Variants in CGRRF1 observed in about 807,000 individuals in gnomAD.
CGRRF1 encodes cell growth regulator with ring finger domain 1.
A neutral mutation model predicts 37.2 loss-of-function variants in CGRRF1; 32 were observed. That is an observed-to-expected ratio of 0.86 (90% CI 0.65 to 1.16). The LOEUF (loss-of-function observed/expected upper bound fraction) is 1.16, where lower values mean the gene tolerates loss of function less well. Among genes scored for constraint, CGRRF1 ranks in the 50% most tolerant of loss-of-function variants. The pLI is 0.00. For missense variants in CGRRF1, 391 were observed against 382.6 expected (o/e 1.02, Z -0.18); for synonymous variants, 141 against 140.3 (o/e 1.00, Z -0.04).
In CGRRF1 at chr14:54,530,034, C is replaced by G; in HGVS notation, c.245-15C>G. 2 of 1,592,480 alleles carry G rather than the reference C, an allele frequency of 1.3e-6. No individual in the cohort carries two copies. The highest frequency in any genetic ancestry group is 1.7e-6 in the Non-Finnish European group (2 of 1,163,484). On this transcript the variant is annotated splice_polypyrimidine_tract_variant and intron_variant, in intron 2 of 5. Coordinates refer to ENST00000216420, the MANE Select transcript of CGRRF1 (RefSeq NM_006568.3). The stretch of plus-strand genomic sequence containing the variant: ...CATTAAATCACTTTCATTCTTTCTC[C>G]TTTGTTTTTTACAGCTGGCATAACC...
chr14:54,510,681 AG>A (rs1380028293), intron 1 of CGRRF1, among the ~76,000 whole-genome samples: 2 of 152,230 alleles, frequency 1.3e-5, no homozygotes, highest in African/African-American at 4.8e-5. Context: ...TGTAACACCG[AG>A]GGTAGGACAG....
intron 2 of CGRRF1, among the ~76,000 whole-genome samples, chr14:54,525,899 C>A (rs985008465): frequency 1.3e-5 from 2 of 151,952 alleles, no homozygotes; most frequent in African/African-American, 2.4e-5. Context: ...AGTTCAAGAC[C>A]AGCCTGGCCA....
chr14:54,527,311 T>C (rs2032428552), intron 2 of CGRRF1, among the ~76,000 whole-genome samples: 1 of 152,130 alleles, frequency 6.6e-6, no homozygotes. Flanking sequence ...CTCCCCTCAG[T>C]TTATGTAATG....
intron 4 of CGRRF1, among the ~76,000 whole-genome samples, chr14:54,535,507 G>A (rs1418736834): frequency 6.6e-6 from 1 of 152,096 alleles, no homozygotes; most frequent in African/African-American, 2.4e-5. Context: ...TTTTCAGAGT[G>A]CCACCTCTAG....
At chr14:54,530,385 T>C in intron 3 of CGRRF1, 159 bp downstream of exon 3, 5 of 962,166 alleles carry the variant, frequency 5.2e-6, no homozygotes, top group Non-Finnish European at 7.8e-6. Context: ...GGAGTGAATA[T>C]CTCTATCAGG....
chr14:54,535,359 T>TCACACACACACACACACACACACACACA (rs143950400), intron 4 of CGRRF1, among the ~76,000 whole-genome samples: 6 of 140,590 alleles, frequency 4.3e-5, no homozygotes, highest in East Asian at 2.2e-4. Flanking sequence ...AAGGGTATAG[T>TCACACACACACACACACACACACACACA]CACACACACA....
At position 54,539,068 on chromosome 14, in the gene CGRRF1, A is replaced by G. The variant is rs926673852; in HGVS notation, c.*685A>G. The G allele has an allele frequency of 2.0e-5, 3 of 152,220 alleles. No individual in the cohort carries two copies. The highest frequency in any genetic ancestry group is 2.9e-5 in the Non-Finnish European group (2 of 68,038). The allele number at this position is 152,220 out of a possible 1,614,324, so 9.4% of individuals were successfully genotyped here. A position where few individuals can be genotyped will look rare whatever the true frequency, so the allele number is the denominator to read the frequency against. On this transcript the variant is annotated 3_prime_UTR_variant, in exon 6 of 6. Coordinates refer to ENST00000216420, the MANE Select transcript of CGRRF1 (RefSeq NM_006568.3). Reference sequence around the variant, plus strand: ...TTTTTTGGATAATTAAATTTATTAAATTGATAGTCAAGTGTGATTAGATTA... The same window carrying G: ...TTTTTTGGATAATTAAATTTATTAAGTTGATAGTCAAGTGTGATTAGATTA...
chr14:54,534,739 A>C (rs559840092), intron 4 of CGRRF1, among the ~76,000 whole-genome samples: 3 of 152,244 alleles, frequency 2.0e-5, no homozygotes, highest in Admixed American at 6.5e-5. Context: ...TGGTTGAGAT[A>C]GGATCTTGCT....
intron 1 of CGRRF1, among the ~76,000 whole-genome samples, chr14:54,522,139 G>C (rs2032327403): frequency 1.3e-5 from 2 of 152,108 alleles, no homozygotes; most frequent in South Asian, 4.1e-4. Flanking sequence ...ATTATCTCTA[G>C]ATTACTTACA....
rs113247887 is a variant in CGRRF1, at chr14:54,524,637, T to C, written c.244+2044T>C. ...CAAACTTCTGGCCTCAAGCAGTCCT[T>C]CTGCCCCAGGCTCACAAAGTGCTGG... On this transcript the variant is annotated intron_variant, in intron 2 of 5. Transcript: ENST00000216420. Among the ~76,000 whole-genome samples the C allele has an allele frequency of 1.9e-3, 282 of 152,138 alleles. 1 individual carries two copies. The highest frequency in any genetic ancestry group is 6.5e-3 in the African/African-American group (271 of 41,514).
chr14:54,525,007 A>G (rs1357547938), intron 2 of CGRRF1, among the ~76,000 whole-genome samples: 1 of 152,086 alleles, frequency 6.6e-6, no homozygotes, highest in African/African-American at 2.4e-5. Context: ...TGATCACACC[A>G]CTTCACTTCA....
At chr14:54,524,933 G>A (rs910386736) in intron 2 of CGRRF1, among the ~76,000 whole-genome samples, 3 of 152,192 alleles carry the variant, frequency 2.0e-5, no homozygotes, top group Non-Finnish European at 4.4e-5. Context: ...CCAGCTACCA[G>A]CTACTCGGGA....
Position 54,511,011 on chromosome 14 carries a change from A to C in CGRRF1, c.104+948A>C, listed in dbSNP as rs147292627. Reference sequence around the variant, plus strand: ...ATTTTGGAGAATGAGCATTTTGAAAAATAAATGGAGTTAAATGTATATAGT... The same window carrying C: ...ATTTTGGAGAATGAGCATTTTGAAACATAAATGGAGTTAAATGTATATAGT... On this transcript the variant is annotated intron_variant, in intron 1 of 5. Transcript: ENST00000216420. Among the ~76,000 whole-genome samples, 402 of 152,354 alleles carry C rather than the reference A, an allele frequency of 2.6e-3. 2 individuals are homozygous for C. Among genetic ancestry groups the C allele is most frequent in the African/African-American group, 9.1e-3 (379 of 41,578 alleles).
rs2032100439 is a variant in CGRRF1, at chr14:54,509,948, A to G, written c.-12A>G. 6.2e-7 allele frequency: 1 copy of G among 1,602,126 alleles called. No individual in the cohort carries two copies. Among genetic ancestry groups the G allele is most frequent in the Non-Finnish European group, 8.6e-7 (1 of 1,169,174 alleles). On this transcript the variant is annotated 5_prime_UTR_variant, in exon 1 of 6. Coordinates refer to ENST00000216420, the MANE Select transcript of CGRRF1 (RefSeq NM_006568.3). ...GCGGCTGGAGCCGGGCTCTACCCAGAGCAAGACCCTGATGGCTGCGGTGTT... is the reference window on the plus strand; with the variant it reads ...GCGGCTGGAGCCGGGCTCTACCCAGGGCAAGACCCTGATGGCTGCGGTGTT...
intron 4 of CGRRF1, among the ~76,000 whole-genome samples, chr14:54,532,722 A>G (rs2032536265): frequency 1.3e-5 from 2 of 151,304 alleles, no homozygotes; most frequent in South Asian, 4.2e-4. Flanking sequence ...AAAAAAAGTC[A>G]TACTAGACAA....
intron 4 of CGRRF1, 32 bp downstream of exon 4, chr14:54,531,082 T>A: frequency 6.7e-7 from 1 of 1,489,078 alleles, no homozygotes; most frequent in Non-Finnish European, 9.2e-7. Flanking sequence ...AAGCATTACC[T>A]TTAAGTGATT....
chr14:54,537,555 C>G (rs544897139), intron 4 of CGRRF1, 167 bp from the exon 5 acceptor site: 1 of 622,570 alleles, frequency 1.6e-6, no homozygotes, highest in East Asian at 3.7e-5. Flanking sequence ...ATGATTTAAT[C>G]AGATTGACGT....
intron 1 of CGRRF1, among the ~76,000 whole-genome samples, chr14:54,511,244 C>T (rs1169942734): frequency 1.3e-5 from 2 of 152,172 alleles, no homozygotes; most frequent in Admixed American, 6.5e-5. Context: ...CCACACTGCT[C>T]CTCACCCTAC....
At chr14:54,521,212 G>A (rs904587364) in intron 1 of CGRRF1, among the ~76,000 whole-genome samples, 1 of 152,088 alleles carries the variant, frequency 6.6e-6, no homozygotes, top group Non-Finnish European at 1.5e-5. Context: ...TGTAATCCCA[G>A]CACTTTGGGA....
Sources: allele counts gnomAD v4.1 joint callset (sites outside exome capture counted in the v4.1 genomes callset), GRCh38; gene constraint gnomAD v4.1.1; transcripts MANE v1.5; gene names NCBI Gene and HGNC (gene_info 2026-07-23, HGNC 2026-07-21).